The following TNFRSF9 variants were observed in gnomAD, a reference collection of about 807,000 sequenced individuals.
TNFRSF9 encodes the protein TNF receptor superfamily member 9.
A neutral mutation model predicts 28.8 loss-of-function variants in TNFRSF9; 16 were observed. The ratio of observed to expected loss-of-function variants is 0.55; its 90% CI spans 0.38 to 0.84. TNFRSF9 has a LOEUF of 0.84. TNFRSF9 is among the 40% of genes least tolerant of loss of function. The pLI is 0.00. For synonymous variants in TNFRSF9, 131 were observed against 117.0 expected (o/e 1.12, Z -0.77); for missense variants, 303 against 315.0 (o/e 0.96, Z 0.29).
Position 7,917,666 on chromosome 1 carries a change from A to T in TNFRSF9, c.*3169T>A, listed in dbSNP as rs1383054687. On this transcript the variant is annotated 3_prime_UTR_variant, in exon 8 of 8. Coordinates refer to ENST00000377507, the MANE Select transcript of TNFRSF9 (RefSeq NM_001561.6). ...AGCCAGGCAAGAAAAAATGTTAACC[A>T]TATGAGAAAACAGTTATAAATTTAA... The T allele has an allele frequency of 1.3e-5, 2 of 152,202 alleles. No individual in the cohort carries two copies. Among genetic ancestry groups the T allele is most frequent in the Non-Finnish European group, 2.9e-5 (2 of 68,038 alleles). The allele number at this position is 152,202 out of a possible 1,614,324, so 9.4% of individuals were successfully genotyped here. A position where few individuals can be genotyped will look rare whatever the true frequency, so the allele number is the denominator to read the frequency against.
rs1370868797 is a variant in TNFRSF9, at chr1:7,918,775, A to G, written c.*2060T>C. On this transcript the variant is annotated 3_prime_UTR_variant, in exon 8 of 8. Transcript: ENST00000377507. ...ACAAGGTGCTCATCAGTAACCAAGCAAATGCAAACTAAGACCACAGTGAGA... is the reference window on the plus strand; with the variant it reads ...ACAAGGTGCTCATCAGTAACCAAGCGAATGCAAACTAAGACCACAGTGAGA... 6.6e-6 allele frequency: 1 copy of G among 152,202 alleles called. No homozygotes were observed. Among genetic ancestry groups the G allele is most frequent in the Non-Finnish European group, 1.5e-5 (1 of 68,036 alleles). 9.4% of individuals were successfully genotyped at this position (152,202 alleles called of 1,614,324 possible).
chr1:7,917,979 T>TAGATAGATAGATAG lies in TNFRSF9; in HGVS notation c.*2855_*2856insCTATCTATCTATCT, dbSNP rs59290046. On this transcript the variant is annotated 3_prime_UTR_variant, in exon 8 of 8. Coordinates refer to ENST00000377507, the MANE Select transcript of TNFRSF9 (RefSeq NM_001561.6). ...GGATATATATATATATATATATAGA[T>TAGATAGATAGATAG]ATAGATAGATAGATAGATAGATAGG... 3.2e-4 allele frequency: 42 copies of TAGATAGATAGATAG among 131,012 alleles called. No homozygotes were observed. Among genetic ancestry groups the TAGATAGATAGATAG allele is most frequent in the African/African-American group, 1.1e-3 (38 of 33,598 alleles). 8.1% of individuals were successfully genotyped at this position (131,012 alleles called of 1,614,324 possible).
intron 6 of TNFRSF9, among the ~76,000 whole-genome samples, chr1:7,934,360 A>G (rs2493214): frequency 0.38 from 53,480 of 139,894 alleles, 13,132 homozygotes; most frequent in African/African-American, 0.69. Flanking sequence ...CTGGCACAGA[A>G]CAAGGCACTC....
chr1:7,933,137 T>C, intron 7 of TNFRSF9, 25 bp downstream of exon 7: 1 of 1,578,554 alleles, frequency 6.3e-7, no homozygotes, highest in Admixed American at 1.9e-5. Context: ...TTGCCAGAGC[T>C]GTAATATGAT....
Position 7,939,938 on chromosome 1 carries a change from C to T in TNFRSF9, c.57G>A (p.Glu19=). ...VATLLLVLNF[E]RTRSLQDPCS... is the part of the protein sequence containing the mutation. The stretch of plus-strand genomic sequence containing the variant: ...AAGGATCCTGCAATGATCTTGTCCT[C>T]TCAAAGTTGAGGACCAGCAACAGAG... The change falls in exon 2 of 8, where the codon GAG becomes GAA. Residue 19 remains glutamate (E), a synonymous_variant. Transcript: ENST00000377507. The T allele has an allele frequency of 6.2e-7, 1 of 1,606,810 alleles. No individual in the cohort carries two copies. Among genetic ancestry groups the T allele is most frequent in the Non-Finnish European group, 8.5e-7 (1 of 1,174,046 alleles).
In TNFRSF9 at chr1:7,920,909, C is replaced by T; in HGVS notation, c.694G>A (p.Val232Ile). ...CCATCTTCCTCTTGAGTAGTTTGTACTGGTCTCATAAATGCTAAAAAAAAA... is the reference window on the plus strand; with the variant it reads ...CCATCTTCCTCTTGAGTAGTTTGTATTGGTCTCATAAATGCTAAAAAAAAA... Reference protein sequence around the residue: ...YIFKQPFMRPVQTTQEEDGCS... With the variant: ...YIFKQPFMRPIQTTQEEDGCS... The change falls in exon 8 of 8, where the codon GTA (valine) becomes ATA (isoleucine). Residue 232 changes from valine (V) to isoleucine (I), a missense_variant. Physicochemically the swap from Val to Ile is conservative, Grantham distance 29. Transcript: ENST00000377507. 6.2e-7 allele frequency: 1 copy of T among 1,613,268 alleles called. No individual in the cohort carries two copies. Among genetic ancestry groups the T allele is most frequent in the Non-Finnish European group, 8.5e-7 (1 of 1,179,594 alleles).
chr1:7,928,000 A>G (rs1639679557), intron 7 of TNFRSF9, among the ~76,000 whole-genome samples: 1 of 152,220 alleles, frequency 6.6e-6, no homozygotes. Context: ...ACTAGAAAAT[A>G]GGTGAAAGAC....
At position 7,935,125 on chromosome 1, in the gene TNFRSF9, C is replaced by A. The variant is rs541005362; in HGVS notation, c.432G>T (p.Lys144Asn). The change falls in exon 6 of 8, where the codon AAG (lysine) becomes AAT (asparagine). Residue 144 changes from lysine to asparagine, a missense_variant. Coordinates refer to ENST00000377507, the MANE Select transcript of TNFRSF9 (RefSeq NM_001561.6). ...CCTTCGTCCCATTCACAAGCACAGACTTTCCATCCAAAGAACAGCTTAGAC... is the reference window on the plus strand; with the variant it reads ...CCTTCGTCCCATTCACAAGCACAGAATTTCCATCCAAAGAACAGCTTAGAC... ...RPWTNCSLDG[K>N]SVLVNGTKER... The A allele has an allele frequency of 1.9e-6, 3 of 1,614,246 alleles. No homozygotes were observed. The highest frequency in any genetic ancestry group is 1.7e-5 in the Admixed American group (1 of 60,030).
In TNFRSF9 at chr1:7,938,731, C is replaced by A; in HGVS notation, c.198G>T (p.Arg66Ser). 6.2e-7 allele frequency: 1 copy of A among 1,611,358 alleles called. No homozygotes were observed. The highest frequency in any genetic ancestry group is 8.5e-7 in the Non-Finnish European group (1 of 1,177,992). Residue 66 changes from arginine (R) to serine (S), a missense_variant, in exon 3 of 8, where the codon AGG becomes AGT. By Grantham distance (110) the Arg-to-Ser change is moderately radical. Coordinates refer to ENST00000377507, the MANE Select transcript of TNFRSF9 (RefSeq NM_001561.6). ...TCTTTGAACTCATACCTTTACACTG[C>A]CTGCATATGTCACAGGTCCTTTGTC... ...AGGQRTCDIC[R>S]QCKGVFRTRK...
In TNFRSF9 at chr1:7,917,242, C is replaced by T. The variant is rs2151407956; in HGVS notation, c.*3593G>A. ...CACCGTGCCTGACCTAGCTAAGACA[C>T]TTCTGAAGTAGAAAAAGAAGGTGGA... On this transcript the variant is annotated 3_prime_UTR_variant, in exon 8 of 8. Transcript: ENST00000377507. 1 of 152,290 alleles carries T rather than the reference C, an allele frequency of 6.6e-6. No individual in the cohort carries two copies. Among genetic ancestry groups the T allele is most frequent in the East Asian group, 1.9e-4 (1 of 5,178 alleles). The allele number at this position is 152,290 out of a possible 1,614,324, so 9.4% of individuals were successfully genotyped here. A position where few individuals can be genotyped will look rare whatever the true frequency, so the allele number is the denominator to read the frequency against.
At chr1:7,921,624 CGCCACTGCACTCCA>C (rs1308266013) in intron 7 of TNFRSF9, among the ~76,000 whole-genome samples, 1 of 151,398 alleles carries the variant, frequency 6.6e-6, no homozygotes, top group African/African-American at 2.4e-5. Flanking sequence ...GCTGAGATTG[CGCCACTGCACTCCA>C]GCCTGGGTGA....
chr1:7,925,353 G>A (rs1259799749), intron 7 of TNFRSF9, among the ~76,000 whole-genome samples: 1 of 151,966 alleles, frequency 6.6e-6, no homozygotes, highest in African/African-American at 2.4e-5. Flanking sequence ...GTAAGCTAAG[G>A]TTAATTTATT....
At chr1:7,929,197 T>C (rs1386824506) in intron 7 of TNFRSF9, among the ~76,000 whole-genome samples, 8 of 145,212 alleles carry the variant, frequency 5.5e-5, no homozygotes, top group East Asian at 2.1e-4. Flanking sequence ...AGTCTTGCTC[T>C]GTCGCCCAGG....
intron 7 of TNFRSF9, among the ~76,000 whole-genome samples, chr1:7,931,708 C>T (rs1639733794): frequency 6.6e-6 from 1 of 152,190 alleles, no homozygotes; most frequent in Admixed American, 6.5e-5. Flanking sequence ...CACTTCTTTA[C>T]CCTGGTAGAG....
At chr1:7,937,199 G>C (rs1639827091) in intron 5 of TNFRSF9, among the ~76,000 whole-genome samples, 2 of 152,136 alleles carry the variant, frequency 1.3e-5, no homozygotes, top group Admixed American at 1.3e-4. Context: ...TTTTGAGACA[G>C]GCTCTCTGCT....
intron 5 of TNFRSF9, among the ~76,000 whole-genome samples, chr1:7,935,947 G>A (rs918400685): frequency 6.6e-6 from 1 of 152,136 alleles, no homozygotes; most frequent in Non-Finnish European, 1.5e-5. Context: ...TGAGTAAATG[G>A]TAGCTATCAT....
At chr1:7,921,363 CA>C (rs1165613155) in intron 7 of TNFRSF9, among the ~76,000 whole-genome samples, 1 of 146,786 alleles carries the variant, frequency 6.8e-6, no homozygotes. Context: ...CAAAACAAAA[CA>C]AAACAAAACA....
At position 7,933,270 on chromosome 1, in the gene TNFRSF9, A is replaced by G. The variant is rs758622644; in HGVS notation, c.571T>C (p.Phe191Leu). ...PGHSPQIISFFLALTSTALLF... is the reference protein window; with the variant it reads ...PGHSPQIISFLLALTSTALLF... ...AACGCAGTCGACGTCAGCGCAAGAA[A>G]GAAGGAGATGATCTGCGGAGAGTGT... Residue 191 changes from phenylalanine (F) to leucine (L), a missense_variant, in exon 7 of 8, where the codon TTT (phenylalanine) becomes CTT (leucine). Phe to Leu is a conservative substitution (Grantham distance 22, BLOSUM62 0). Transcript: ENST00000377507. The G allele has an allele frequency of 5.0e-6, 8 of 1,613,774 alleles. No individual in the cohort carries two copies. Among genetic ancestry groups the G allele is most frequent in the South Asian group, 1.1e-5 (1 of 91,002 alleles).
At chr1:7,928,263 A>G (rs1203848215) in intron 7 of TNFRSF9, among the ~76,000 whole-genome samples, 1 of 152,246 alleles carries the variant, frequency 6.6e-6, no homozygotes, top group East Asian at 1.9e-4. Flanking sequence ...AGCACCAAAC[A>G]TATAGCCCAG....
Sources: gnomAD v4.1 joint callset for allele counts (sites outside exome capture counted in the v4.1 genomes callset) on GRCh38, gnomAD v4.1.1 for gene constraint, MANE v1.5 for transcripts, NCBI Gene and HGNC (gene_info 2026-07-23, HGNC 2026-07-21) for gene names.